The following LUZP2 variants were observed in gnomAD, a reference collection of about 807,000 sequenced individuals.
The protein encoded by LUZP2 is leucine zipper protein 2.
A neutral mutation model predicts 51.6 loss-of-function variants in LUZP2; 52 were observed. That is an observed-to-expected ratio of 1.01 (90% CI 0.81 to 1.27). The LOEUF is 1.27. Ranked by LOEUF, LUZP2 falls within the 50% of genes most tolerant of loss-of-function variation. The pLI is 0.00. For missense variants in LUZP2, 436 were observed against 395.4 expected (o/e 1.10, Z -0.87); for synonymous variants, 154 against 137.3 (o/e 1.12, Z -0.85).
intron 9 of LUZP2, among the ~76,000 whole-genome samples, chr11:24,988,914 C>G (rs984002924): frequency 2.0e-5 from 3 of 151,496 alleles, no homozygotes; most frequent in Admixed American, 6.6e-5. Context: ...GTTGTGTCCT[C>G]CAAGAAGACA....
chr11:24,942,940 A>G (rs1854794986), intron 7 of LUZP2, among the ~76,000 whole-genome samples: 1 of 152,158 alleles, frequency 6.6e-6, no homozygotes, highest in Admixed American at 6.5e-5. Context: ...TTATTATTTA[A>G]TGAGATCAGT....
intron 1 of LUZP2, among the ~76,000 whole-genome samples, chr11:24,524,977 G>C (rs745350000): frequency 4.6e-5 from 7 of 151,548 alleles, no homozygotes; most frequent in Non-Finnish European, 1.0e-4. Context: ...AGGGAACTGG[G>C]AAAAGAATTA....
At chr11:24,863,696 A>G (rs1324082904) in intron 5 of LUZP2, among the ~76,000 whole-genome samples, 1 of 152,156 alleles carries the variant, frequency 6.6e-6, no homozygotes, top group Non-Finnish European at 1.5e-5. Context: ...AAATGGTTAA[A>G]CTTCATATTA....
intron 1 of LUZP2, among the ~76,000 whole-genome samples, chr11:24,654,506 C>T (rs1855737337): frequency 6.6e-6 from 1 of 152,056 alleles, no homozygotes; most frequent in Non-Finnish European, 1.5e-5. Flanking sequence ...ACTTCCACCC[C>T]TGGGCTCAAG....
intron 3 of LUZP2, among the ~76,000 whole-genome samples, chr11:24,736,906 T>C (rs1858963509): frequency 6.6e-6 from 1 of 152,044 alleles, no homozygotes; most frequent in African/African-American, 2.4e-5. Context: ...AATTATTCTA[T>C]AACTTGTTCT....
intron 9 of LUZP2, among the ~76,000 whole-genome samples, chr11:25,033,607 A>C (rs1327586051): frequency 6.6e-6 from 1 of 152,078 alleles, no homozygotes; most frequent in Non-Finnish European, 1.5e-5. Context: ...CACAGTGTCT[A>C]TAACTTCCGT....
chr11:24,574,165 T>TTTTC (rs139420498), intron 1 of LUZP2, among the ~76,000 whole-genome samples: 1 of 135,364 alleles, frequency 7.4e-6, no homozygotes, highest in Non-Finnish European at 1.6e-5. Context: ...CTTCTTTCAA[T>TTTTC]TTTCTTTCTT....
intron 5 of LUZP2, among the ~76,000 whole-genome samples, chr11:24,845,165 C>T (rs1851162046): frequency 1.3e-5 from 2 of 152,172 alleles, no homozygotes; most frequent in Admixed American, 1.3e-4. Context: ...GAGGCTGTAC[C>T]CTGTGAAGCA....
chr11:25,078,191 G>A (rs1175619166), intron 11 of LUZP2, among the ~76,000 whole-genome samples: 2 of 152,110 alleles, frequency 1.3e-5, no homozygotes, highest in Admixed American at 1.3e-4. Flanking sequence ...TATTATACTT[G>A]ACCAAAAATA....
At chr11:24,793,349 A>T (rs967749753) in intron 5 of LUZP2, among the ~76,000 whole-genome samples, 2 of 152,160 alleles carry the variant, frequency 1.3e-5, no homozygotes, top group East Asian at 3.9e-4. Flanking sequence ...GGGTAATCCC[A>T]TGGGCCTGAA....
intron 1 of LUZP2, among the ~76,000 whole-genome samples, chr11:24,589,473 T>A (rs1182894123): frequency 6.6e-6 from 1 of 152,228 alleles, no homozygotes; most frequent in Non-Finnish European, 1.5e-5. Flanking sequence ...ATTTATTAAC[T>A]TGCAATTTAA....
At chr11:24,577,990 T>C (rs1296391064) in intron 1 of LUZP2, among the ~76,000 whole-genome samples, 1 of 152,172 alleles carries the variant, frequency 6.6e-6, no homozygotes, top group Non-Finnish European at 1.5e-5. Flanking sequence ...CGTTCTGTAC[T>C]TCTTTGTTTC....
chr11:24,959,474 C>A (rs1429070993), intron 7 of LUZP2, among the ~76,000 whole-genome samples: 1 of 152,044 alleles, frequency 6.6e-6, no homozygotes, highest in Non-Finnish European at 1.5e-5. Flanking sequence ...CCTTCACGTC[C>A]CTTGTAAGTT....
At chr11:25,005,996 T>C (rs1565218226) in intron 9 of LUZP2, among the ~76,000 whole-genome samples, 3 of 152,090 alleles carry the variant, frequency 2.0e-5, no homozygotes, top group Non-Finnish European at 4.4e-5. Context: ...AGTTGGAAGA[T>C]TGATGCCTTA....
intron 4 of LUZP2, among the ~76,000 whole-genome samples, chr11:24,753,126 C>T (rs1039177324): frequency 2.6e-5 from 4 of 152,002 alleles, no homozygotes; most frequent in African/African-American, 9.7e-5. Flanking sequence ...AACAATGTAG[C>T]TTCAGTATTC....
intron 5 of LUZP2, among the ~76,000 whole-genome samples, chr11:24,787,148 T>G (rs1319066308): frequency 2.6e-5 from 4 of 152,150 alleles, no homozygotes; most frequent in African/African-American, 7.2e-5. Context: ...TCTGAAACAC[T>G]GGACAATTAA....
chr11:24,948,316 A>G (rs1241836752), intron 7 of LUZP2, among the ~76,000 whole-genome samples: 2 of 151,562 alleles, frequency 1.3e-5, no homozygotes, highest in Non-Finnish European at 3.0e-5. Context: ...TTGCTAAGAC[A>G]TTGTCATCAT....
intron 8 of LUZP2, among the ~76,000 whole-genome samples, chr11:24,978,686 C>A (rs2133907900): frequency 6.6e-6 from 1 of 151,726 alleles, no homozygotes; most frequent in African/African-American, 2.4e-5. Context: ...TTAGCACTAA[C>A]AATTAGGGAA....
chr11:25,066,519 A>G (rs778533081), intron 10 of LUZP2, among the ~76,000 whole-genome samples: 1 of 152,008 alleles, frequency 6.6e-6, no homozygotes, highest in Non-Finnish European at 1.5e-5. Flanking sequence ...GACATTCGCT[A>G]AGGGGCTCTA....
Sources: allele counts gnomAD v4.1 joint callset (sites outside exome capture counted in the v4.1 genomes callset), GRCh38; gene constraint gnomAD v4.1.1; transcripts MANE v1.5; gene names NCBI Gene and HGNC (gene_info 2026-07-23, HGNC 2026-07-21).